SEC24A: variants seen among roughly 807,000 people sequenced by gnomAD.
SEC24A encodes SEC24 homolog A, COPII component.
A neutral mutation model predicts 129.4 loss-of-function variants in SEC24A; 93 were observed. The ratio of observed to expected loss-of-function variants is 0.72; its 90% confidence interval spans 0.61 to 0.85. The LOEUF is 0.85. Among genes scored for constraint, SEC24A ranks in the 40% least tolerant of loss-of-function variants. The pLI is 0.00. For synonymous variants in SEC24A, 460 were observed against 467.3 expected (o/e 0.98, Z 0.20); for missense variants, 1,264 against 1,307.4 (o/e 0.97, Z 0.51).
At chr5:134,713,995 T>A (rs1223288689) in intron 18 of SEC24A, among the ~76,000 whole-genome samples, 1 of 151,094 alleles carries the variant, frequency 6.6e-6, no homozygotes, top group Admixed American at 6.6e-5. Flanking sequence ...TGAGCAGAGA[T>A]CAAACCACTA....
chr5:134,693,297 T>C lies in SEC24A; in HGVS notation c.1780-430T>C. On this transcript the variant is annotated intron_variant, in intron 12 of 22. Coordinates refer to ENST00000398844, the MANE Select transcript of SEC24A (RefSeq NM_021982.3). ...CCTGTAAAGGTAGTTGTTTTTCTTT[T>C]GTAGTGATATTACTAGTTGGCAAAG... 3.6e-6 allele frequency: 5 copies of C among 1,403,958 alleles called. No individual in the cohort carries two copies. The South Asian group carries it at 8.1e-5, about 23-fold the overall frequency. The allele number at this position is 1,403,958 out of a possible 1,614,324, so 87.0% of individuals were successfully genotyped here.
At chr5:134,673,524 C>A (rs985876577) in intron 4 of SEC24A, among the ~76,000 whole-genome samples, 1 of 152,034 alleles carries the variant, frequency 6.6e-6, no homozygotes, top group East Asian at 1.9e-4. Flanking sequence ...GTGCAGTGGG[C>A]ACAATCTCGG....
At chr5:134,669,789 A>AT (rs1454424921) in intron 3 of SEC24A, among the ~76,000 whole-genome samples, 1 of 152,028 alleles carries the variant, frequency 6.6e-6, no homozygotes, top group Non-Finnish European at 1.5e-5. Context: ...AGAAAAAAAA[A>AT]ACTTTTAAGA....
At chr5:134,715,210 A>C (rs766033241) in intron 19 of SEC24A, 49 bp downstream of exon 19, 2 of 1,479,758 alleles carry the variant, frequency 1.4e-6, no homozygotes, top group Non-Finnish European at 1.9e-6. Flanking sequence ...TAGTAAGCCT[A>C]ATCATAGTCC....
intron 2 of SEC24A, among the ~76,000 whole-genome samples, chr5:134,664,986 A>T (rs1324747811): frequency 4.0e-5 from 6 of 149,768 alleles, no homozygotes; most frequent in Non-Finnish European, 8.9e-5. Context: ...TTTTAGTAGA[A>T]ACGGGGTTTC....
intron 20 of SEC24A, among the ~76,000 whole-genome samples, 155 bp from the exon 21 acceptor site, chr5:134,720,843 A>T (rs1310328925): frequency 1.3e-5 from 2 of 152,140 alleles, no homozygotes; most frequent in East Asian, 3.9e-4. Flanking sequence ...CGGAGGTTGC[A>T]GTGAGCCGAG....
At chr5:134,697,791 A>T in intron 14 of SEC24A, 108 bp from the exon 15 acceptor site, 3 of 1,135,990 alleles carry the variant, frequency 2.6e-6, no homozygotes, top group Non-Finnish European at 3.8e-6. Context: ...TTCTGACAGT[A>T]GTTTACCTTG....
intron 18 of SEC24A, among the ~76,000 whole-genome samples, chr5:134,713,377 T>C (rs1282958921): frequency 6.6e-6 from 1 of 152,026 alleles, no homozygotes; most frequent in East Asian, 1.9e-4. Flanking sequence ...CTCACCATCC[T>C]GACACCCCTA....
chr5:134,705,508 C>T, intron 17 of SEC24A, 71 bp downstream of exon 17: 1 of 987,364 alleles, frequency 1.0e-6, no homozygotes, highest in Non-Finnish European at 1.6e-6. Flanking sequence ...GTTTTGTTTT[C>T]CTTTAAATAG....
At position 134,705,342 on chromosome 5, in the gene SEC24A, G is replaced by A. The variant is rs751847235; in HGVS notation, c.2456G>A (p.Arg819His). 8.7e-6 allele frequency: 14 copies of A among 1,612,730 alleles called. No homozygotes were observed. The highest frequency in any genetic ancestry group is 1.2e-5 in the Non-Finnish European group (14 of 1,179,182). The part of the protein sequence containing the change: ...YTSSKGERRI[R>H]VHTLCLPVVS... ...TTCCCCAAAGGCGAAAGAAGAATTC[G>A]TGTTCATACTTTGTGTTTGCCAGTA... The change falls in exon 17 of 23, where the codon CGT becomes CAT. Residue 819 changes from arginine to histidine, a missense_variant. Coordinates refer to ENST00000398844, the MANE Select transcript of SEC24A (RefSeq NM_021982.3).
Position 134,703,862 on chromosome 5 carries a change from AG to A in SEC24A, c.2371del (p.Val791TrpfsTer37). On this transcript the variant is annotated frameshift_variant, in exon 16 of 23. Transcript: ENST00000398844. LOFTEE classifies it high-confidence loss of function. Reference protein sequence around the residue: ...PDAGYAVQMSVEESLTDTQLV... With the variant: ...PDAGYAVQMSXEESLTDTQLV... ...ACGCTGGGTATGCAGTACAGATGTCAGTGGAAGAGAGTCTTACTGACACTCA... is the reference window on the plus strand; with the variant it reads ...ACGCTGGGTATGCAGTACAGATGTCATGGAAGAGAGTCTTACTGACACTCA... 6.2e-7 allele frequency: 1 copy of A among 1,612,390 alleles called. No individual in the cohort carries two copies. The highest frequency in any genetic ancestry group is 8.5e-7 in the Non-Finnish European group (1 of 1,178,546).
At chr5:134,708,974 C>T (rs750843531) in intron 18 of SEC24A, 86 bp downstream of exon 18, 255 of 1,310,828 alleles carry the variant, frequency 1.9e-4, no homozygotes, top group Non-Finnish European at 2.5e-4. Context: ...GGGTGGCTGA[C>T]GTGGGTGGAT....
intron 12 of SEC24A, chr5:134,693,075 G>A: frequency 6.5e-7 from 1 of 1,535,998 alleles, no homozygotes. Context: ...TTACCTGCCT[G>A]GAAATTGCCA....
At chr5:134,692,513 G>T in intron 11 of SEC24A, 89 bp from the exon 12 acceptor site, 2 of 670,490 alleles carry the variant, frequency 3.0e-6, no homozygotes, top group East Asian at 2.8e-5. Flanking sequence ...TTTTAAGGAA[G>T]GGGGTGGTTA....
At chr5:134,655,269 G>T (rs1000066839) in intron 1 of SEC24A, among the ~76,000 whole-genome samples, 1 of 152,158 alleles carries the variant, frequency 6.6e-6, no homozygotes, top group African/African-American at 2.4e-5. Flanking sequence ...GAAGCTGCTG[G>T]TTGGGTGGGA....
chr5:134,691,233 G>A (rs935945303), intron 11 of SEC24A, among the ~76,000 whole-genome samples: 6 of 142,248 alleles, frequency 4.2e-5, no homozygotes, highest in South Asian at 2.3e-4. Context: ...GCAGTGGCGC[G>A]ATCTTGGTGG....
In SEC24A at chr5:134,688,306, A is replaced by G. The variant is rs756908370; in HGVS notation, c.1723+7A>G. ...ATAGTTTCAGATATTGAAGGTATAG[A>G]TTTATTGAACTACTTTCATAATTTT... On this transcript the variant is annotated splice_region_variant and intron_variant, in intron 11 of 22. Transcript: ENST00000398844. 1.4e-6 allele frequency: 2 copies of G among 1,448,308 alleles called. No individual in the cohort carries two copies. The highest frequency in any genetic ancestry group is 1.7e-4 in the Middle Eastern group (1 of 5,746). 89.7% of individuals were successfully genotyped at this position (1,448,308 alleles called of 1,614,324 possible).
intron 11 of SEC24A, among the ~76,000 whole-genome samples, chr5:134,691,785 G>T (rs1014264810): frequency 6.6e-6 from 1 of 151,724 alleles, no homozygotes; most frequent in South Asian, 2.1e-4. Flanking sequence ...GTGCCCGGCC[G>T]ACCTTCTTTA....
At position 134,690,025 on chromosome 5, in the gene SEC24A, A is replaced by AT. The variant is rs538856302; in HGVS notation, c.1723+1736dup. Among the ~76,000 whole-genome samples, 239 of 149,646 alleles carry AT rather than the reference A, an allele frequency of 1.6e-3. 3 individuals are homozygous for AT. The highest frequency in any genetic ancestry group is 4.2e-3 in the South Asian group (20 of 4,728). On this transcript the variant is annotated intron_variant, in intron 11 of 22. Coordinates refer to ENST00000398844, the MANE Select transcript of SEC24A (RefSeq NM_021982.3). ...AATAGGGAGTTGTCATAATTATTAC[A>AT]TTTTTTTTTTGAGATGGAGTTTCAC...
Sources: allele counts gnomAD v4.1 joint callset (sites outside exome capture counted in the v4.1 genomes callset), GRCh38; gene constraint gnomAD v4.1.1; transcripts MANE v1.5; gene names NCBI Gene and HGNC (gene_info 2026-07-23, HGNC 2026-07-21).